Variants in NAV3 observed in about 807,000 individuals in gnomAD.
NAV3 encodes pore membrane and/or filament interacting like protein 1.
NAV3 carries 87 observed loss-of-function variants against 244.7 expected under a neutral mutation model. The ratio of observed to expected loss-of-function variants is 0.36; its 90% CI spans 0.30 to 0.42. The LOEUF is 0.42. Among genes scored for constraint, NAV3 ranks in the 20% least tolerant of loss-of-function variants. NAV3 has a pLI of 1.00. For missense variants in NAV3, 2,663 were observed against 2,893.3 expected, an observed-to-expected ratio of 0.92 and a Z score of 1.83; for synonymous variants, 1,126 against 1,042.2, an observed-to-expected ratio of 1.08 and a Z score of -1.55.
chr12:77,799,705 G>T (rs1871603016), intron 2 of NAV3, among the ~76,000 whole-genome samples: 1 of 151,960 alleles, frequency 6.6e-6, no homozygotes, highest in African/African-American at 2.4e-5. Flanking sequence ...ACTTCCCTGG[G>T]TTGTGTACAA....
intron 1 of NAV3, among the ~76,000 whole-genome samples, chr12:77,885,346 G>T (rs1003241744): frequency 6.6e-6 from 1 of 152,058 alleles, no homozygotes; most frequent in Non-Finnish European, 1.5e-5. Flanking sequence ...CTTGCCAAAG[G>T]TTGTACTGCT....
At chr12:77,959,213 C>T (rs1394169526) in intron 3 of NAV3, among the ~76,000 whole-genome samples, 3 of 152,080 alleles carry the variant, frequency 2.0e-5, no homozygotes, top group African/African-American at 7.2e-5. Flanking sequence ...TATAATGAAA[C>T]TGGCTTCTAT....
At chr12:77,752,289 C>G (rs1019086868) in intron 2 of NAV3, among the ~76,000 whole-genome samples, 4 of 152,046 alleles carry the variant, frequency 2.6e-5, no homozygotes, top group African/African-American at 9.7e-5. Context: ...GACATGGAAG[C>G]TGGGAAGGAA....
intron 2 of NAV3, among the ~76,000 whole-genome samples, chr12:77,817,290 C>T (rs939457): frequency 0.69 from 104,243 of 151,954 alleles, 36,101 homozygotes; most frequent in African/African-American, 0.79. Context: ...TTGGAATTGC[C>T]ACACCCTCTG....
rs941434097 is a variant in NAV3, at chr12:77,764,505, C to T, written c.73-175814C>T. On this transcript the variant is annotated intron_variant, in intron 2 of 8. Coordinates refer to the NAV3 transcript ENST00000550042. The stretch of plus-strand genomic sequence containing the variant: ...TTTAAAGACAAATTTAATTTAGAAA[C>T]CTTTCAAGATCACTTTAATCAAGTT... 2.6e-5 allele frequency among the ~76,000 whole-genome samples: 4 copies of T among 152,130 alleles called. No homozygotes were observed. In the East Asian group the frequency reaches 5.8e-4, roughly 22 times the overall value.
chr12:77,841,722 A>G (rs967908880), intron 1 of NAV3, among the ~76,000 whole-genome samples: 2 of 152,226 alleles, frequency 1.3e-5, no homozygotes, highest in South Asian at 4.1e-4. Flanking sequence ...AGACTAACAT[A>G]TATACTAACT....
intron 2 of NAV3, among the ~76,000 whole-genome samples, chr12:77,650,720 A>T (rs1017342830): frequency 9.9e-5 from 15 of 152,128 alleles, no homozygotes; most frequent in African/African-American, 3.1e-4. Context: ...TATAAACCTG[A>T]AAGTGTCTTG....
intron 7 of NAV3, among the ~76,000 whole-genome samples, chr12:78,004,239 C>T (rs1458387055): frequency 1.3e-5 from 2 of 151,958 alleles, no homozygotes; most frequent in Non-Finnish European, 2.9e-5. Flanking sequence ...AATGAGATAC[C>T]ATGTATGAAG....
At chr12:77,877,485 A>C (rs1882003498) in intron 1 of NAV3, among the ~76,000 whole-genome samples, 1 of 152,202 alleles carries the variant, frequency 6.6e-6, no homozygotes, top group South Asian at 2.1e-4. Context: ...GGTAACAAAT[A>C]GCTTGACTGG....
intron 2 of NAV3, among the ~76,000 whole-genome samples, chr12:77,648,926 A>G (rs759011713): frequency 6.6e-6 from 1 of 152,102 alleles, no homozygotes; most frequent in Non-Finnish European, 1.5e-5. Context: ...CAAGTCATAG[A>G]GTGAGTCATT....
intron 1 of NAV3, among the ~76,000 whole-genome samples, chr12:77,873,773 T>TATATATATA (rs762527287): frequency 2.3e-5 from 3 of 128,622 alleles, no homozygotes; most frequent in Admixed American, 7.9e-5. Flanking sequence ...TATATGTATA[T>TATATATATA]AACAGCATAT....
At chr12:77,575,849 A>G (rs550189878) in intron 2 of NAV3, among the ~76,000 whole-genome samples, 1 of 152,300 alleles carries the variant, frequency 6.6e-6, no homozygotes, top group African/African-American at 2.4e-5. Context: ...AGATAGTAGG[A>G]TACACACTTC....
chr12:77,670,313 A>T (rs576265318), intron 2 of NAV3, among the ~76,000 whole-genome samples: 2 of 152,120 alleles, frequency 1.3e-5, no homozygotes, highest in Non-Finnish European at 2.9e-5. Context: ...AAAAATTACC[A>T]ACCAAAAAAG....
chr12:77,682,322 A>G (rs532698199), intron 2 of NAV3, among the ~76,000 whole-genome samples: 2 of 152,302 alleles, frequency 1.3e-5, no homozygotes, highest in South Asian at 4.1e-4. Flanking sequence ...TTTGTCACAA[A>G]TGACAGAATT....
intron 2 of NAV3, among the ~76,000 whole-genome samples, chr12:77,737,492 C>T (rs1349727999): frequency 1.3e-5 from 2 of 151,752 alleles, no homozygotes; most frequent in East Asian, 1.9e-4. Context: ...GGCGTTGACA[C>T]AATTTTAAAA....
At chr12:77,947,935 G>A (rs1890515072) in intron 3 of NAV3, among the ~76,000 whole-genome samples, 1 of 152,000 alleles carries the variant, frequency 6.6e-6, no homozygotes, top group South Asian at 2.1e-4. Context: ...GAACAAAGGT[G>A]ACTGGAATTC....
chr12:78,032,257 G>A (rs1044438922), intron 9 of NAV3, among the ~76,000 whole-genome samples: 22 of 152,200 alleles, frequency 1.4e-4, no homozygotes, highest in African/African-American at 5.3e-4. Context: ...CAATGCAGAT[G>A]TGTTAGAGGG....
intron 2 of NAV3, among the ~76,000 whole-genome samples, chr12:77,785,053 C>T (rs1018779616): frequency 6.6e-6 from 1 of 152,038 alleles, no homozygotes; most frequent in Non-Finnish European, 1.5e-5. Flanking sequence ...AGCTGACTCA[C>T]AAAAGCAAAA....
At chr12:78,185,771 A>C in intron 31 of NAV3, 73 bp downstream of exon 31, 1 of 1,276,760 alleles carries the variant, frequency 7.8e-7, no homozygotes, top group Non-Finnish European at 1.1e-6. Context: ...TTTATGTGTG[A>C]ATATTTGATC....
Sources: allele counts gnomAD v4.1 joint callset (sites outside exome capture counted in the v4.1 genomes callset), GRCh38; gene constraint gnomAD v4.1.1; transcripts MANE v1.5; gene names NCBI Gene and HGNC (gene_info 2026-07-23, HGNC 2026-07-21).